GSN: variants seen among roughly 807,000 people sequenced by gnomAD.
GSN encodes actin-depolymerizing factor.
Under a neutral mutation model 85.7 loss-of-function variants are expected in GSN, and 56 were observed. The ratio of observed to expected loss-of-function variants is 0.65; its 90% confidence interval spans 0.53 to 0.82. The LOEUF is 0.82. Ranked by LOEUF, GSN falls within the 40% of genes least tolerant of loss-of-function variation. GSN has a pLI of 0.00. For synonymous variants in GSN, 373 were observed against 399.1 expected, an observed-to-expected ratio of 0.93 and a Z score of 0.78; for missense variants, 857 against 979.8, an observed-to-expected ratio of 0.87 and a Z score of 1.67.
intron 6 of GSN, among the ~76,000 whole-genome samples, chr9:121,255,030 G>T (rs549937874): frequency 8.5e-5 from 13 of 152,158 alleles, no homozygotes; most frequent in South Asian, 4.2e-4. Flanking sequence ...CTCACTGCAA[G>T]CTCTGCCCCC....
chr9:121,241,332 C>T (rs1478835587), intron 5 of GSN, among the ~76,000 whole-genome samples: 1 of 152,156 alleles, frequency 6.6e-6, no homozygotes, highest in Non-Finnish European at 1.5e-5. Context: ...CAAACAAAAT[C>T]AAATCTGAGC....
At chr9:121,292,637 G>A (rs1023603605) in intron 2 of GSN, among the ~76,000 whole-genome samples, 9 of 152,176 alleles carry the variant, frequency 5.9e-5, no homozygotes, top group Admixed American at 5.2e-4. Flanking sequence ...TGCCGCAGAA[G>A]GTGCCACTGG....
chr9:121,220,114 C>T (rs1174729423), intron 4 of GSN, among the ~76,000 whole-genome samples: 4 of 152,112 alleles, frequency 2.6e-5, no homozygotes, highest in Non-Finnish European at 5.9e-5. Flanking sequence ...AACTCCTGAC[C>T]CCAGGTGATC....
At chr9:121,265,284 C>G (rs1258318445), upstream of GSN, 2 of 152,230 alleles carry the variant, frequency 1.3e-5, no homozygotes, top group Non-Finnish European at 2.9e-5. Context: ...CTGCCCAGCC[C>G]AGGCATCTCC....
At chr9:121,231,784 A>G (rs2054392511) in intron 5 of GSN, among the ~76,000 whole-genome samples, 1 of 152,180 alleles carries the variant, frequency 6.6e-6, no homozygotes, top group African/African-American at 2.4e-5. Flanking sequence ...TTTAATCTTA[A>G]AAATATAAAA....
intron 5 of GSN, among the ~76,000 whole-genome samples, chr9:121,242,636 C>G (rs2054627287): frequency 6.6e-6 from 1 of 152,142 alleles, no homozygotes; most frequent in Admixed American, 6.5e-5. Flanking sequence ...TGTTGGTTGC[C>G]AAACCAAAGC....
chr9:121,223,161 C>G (rs767616494), intron 4 of GSN: 1 of 152,180 alleles, frequency 6.6e-6, no homozygotes. Flanking sequence ...TTGCCCAATT[C>G]CTGAGATCTT....
At chr9:121,319,212 A>G (rs941603556) in intron 10 of GSN, among the ~76,000 whole-genome samples, 6 of 152,210 alleles carry the variant, frequency 3.9e-5, no homozygotes, top group Admixed American at 1.3e-4. Flanking sequence ...GGCAGCCTGC[A>G]CAGAGATGGG....
intron 2 of GSN, chr9:121,283,279 T>TTTTC (rs992830754): frequency 3.6e-5 from 6 of 165,698 alleles, no homozygotes; most frequent in East Asian, 3.9e-4. Context: ...CTGGTTTTCT[T>TTTTC]TTTCTTTCTT....
intron 6 of GSN, chr9:121,312,772 C>T (rs948256840): frequency 5.2e-5 from 12 of 232,118 alleles, no homozygotes; most frequent in Middle Eastern, 1.6e-3. Context: ...GGACCACAGG[C>T]GAGTGCTACC....
upstream of GSN, among the ~76,000 whole-genome samples, chr9:121,204,876 A>G (rs2053857108): frequency 6.6e-6 from 1 of 152,250 alleles, no homozygotes; most frequent in African/African-American, 2.4e-5. Flanking sequence ...GGTGCAGAAA[A>G]CTAAATAGTA....
rs531446069 is a variant in GSN at position 121,295,039 on chromosome 9, C to T, written c.-9-6924C>T. On this transcript the variant is annotated intron_variant, in intron 2 of 17. Transcript: ENST00000432226. ...CCCAGACCTGAACTCTAGCGTCTCA[C>T]CGTGAAATCTGTAACGTTTCTCCCG... Among the ~76,000 whole-genome samples, 8 of 152,284 alleles carry T rather than the reference C, an allele frequency of 5.3e-5. No individual in the cohort carries two copies. The South Asian group carries it at 1.7e-3, about 32-fold the overall frequency.
intron 6 of GSN, among the ~76,000 whole-genome samples, chr9:121,262,781 C>G (rs2055114148): frequency 6.6e-6 from 1 of 152,230 alleles, no homozygotes; most frequent in Non-Finnish European, 1.5e-5. Context: ...CAAACACATT[C>G]CTGCCTGGGG....
At chr9:121,321,638 C>T (rs1187916291) in intron 11 of GSN, among the ~76,000 whole-genome samples, 1 of 152,232 alleles carries the variant, frequency 6.6e-6, no homozygotes, top group East Asian at 1.9e-4. Context: ...ACAAACAGAA[C>T]ATCTCCCACA....
intron 2 of GSN, among the ~76,000 whole-genome samples, chr9:121,297,228 C>T (rs2059301933): frequency 6.6e-6 from 1 of 152,212 alleles, no homozygotes; most frequent in South Asian, 2.1e-4. Flanking sequence ...TGGATATACA[C>T]TTGTAAAGTT....
chr9:121,210,257 C>A (rs1482802381), exon 3 of GSN: 1 of 152,232 alleles, frequency 6.6e-6, no homozygotes, highest in African/African-American at 2.4e-5. Flanking sequence ...ACGGAGCACG[C>A]TGCCTGTCTG....
At chr9:121,236,282 C>T (rs999131231) in intron 5 of GSN, among the ~76,000 whole-genome samples, 13 of 151,962 alleles carry the variant, frequency 8.6e-5, no homozygotes, top group Admixed American at 2.6e-4. Context: ...TGCAGTGGTG[C>T]GATCTCGGCT....
intron 4 of GSN, chr9:121,310,344 G>T (rs565664733): frequency 5.7e-6 from 2 of 352,312 alleles, no homozygotes; most frequent in East Asian, 1.4e-4. Context: ...AATTGTTGCA[G>T]TTTTTTTGAT....
chr9:121,238,458 G>C (rs1189769277), intron 5 of GSN, among the ~76,000 whole-genome samples: 1 of 152,096 alleles, frequency 6.6e-6, no homozygotes, highest in African/African-American at 2.4e-5. Context: ...TGGGACTCTT[G>C]GTCCTTCGAC....
Sources: gnomAD v4.1 joint callset for allele counts (sites outside exome capture counted in the v4.1 genomes callset) on GRCh38, gnomAD v4.1.1 for gene constraint, MANE v1.5 for transcripts, NCBI Gene and HGNC (gene_info 2026-07-23, HGNC 2026-07-21) for gene names.